ORC3: variants seen among roughly 807,000 people sequenced by gnomAD.
ORC3 encodes the protein origin recognition complex subunit 3.
ORC3 carries 78 observed loss-of-function variants against 100.7 expected under a neutral mutation model. The observed-to-expected ratio is 0.77, with a 90% confidence interval of 0.65 to 0.94. ORC3 has a LOEUF of 0.94. ORC3 is among the 40% of genes least tolerant of loss of function. The pLI is 0.00. For missense variants in ORC3, 789 were observed against 823.9 expected (o/e 0.96, Z 0.52); for synonymous variants, 295 against 289.3 (o/e 1.02, Z -0.20).
At chr6:87,610,535 CTTTATTTTTTTTTATTT>C (rs1778669683) in intron 7 of ORC3, among the ~76,000 whole-genome samples, 1 of 149,702 alleles carries the variant, frequency 6.7e-6, no homozygotes, top group South Asian at 2.1e-4. Flanking sequence ...TACTAATATA[CTTTATTTTTTTTTATTT>C]TTTATTTTTT....
chr6:87,649,741 C>T (rs1215691652), intron 13 of ORC3, among the ~76,000 whole-genome samples: 1 of 152,134 alleles, frequency 6.6e-6, no homozygotes, highest in African/African-American at 2.4e-5. Context: ...AGCCAAACTC[C>T]ATCTCAAATA....
chr6:87,639,416 A>G (rs1382231704), intron 13 of ORC3, among the ~76,000 whole-genome samples: 1 of 152,118 alleles, frequency 6.6e-6, no homozygotes, highest in Non-Finnish European at 1.5e-5. Context: ...ACCTTCCCCC[A>G]ACAACTCTCT....
At chr6:87,615,222 T>C (rs1360414569) in intron 8 of ORC3, among the ~76,000 whole-genome samples, 1 of 152,148 alleles carries the variant, frequency 6.6e-6, no homozygotes, top group African/African-American at 2.4e-5. Context: ...ATAAGACTTA[T>C]TCACTGTCAT....
At position 87,636,445 on chromosome 6, in the gene ORC3, A is replaced by T; in HGVS notation, c.1341A>T (p.Ile447=). The part of the protein sequence containing the change: ...ELYCTCLEKN[I]WDSEEYASVL... The stretch of plus-strand genomic sequence containing the variant: ...ACTGTACATGTTTAGAAAAGAACAT[A>T]TGGGATTCAGAGGAGTATGCATCAG... The change falls in exon 13 of 20, where the codon ATA becomes ATT. Residue 447 remains isoleucine, a synonymous_variant. Coordinates refer to ENST00000392844, the MANE Select transcript of ORC3 (RefSeq NM_012381.4). 6.2e-7 allele frequency: 1 copy of T among 1,612,398 alleles called. No homozygotes were observed. Among genetic ancestry groups the T allele is most frequent in the Non-Finnish European group, 8.5e-7 (1 of 1,178,418 alleles).
chr6:87,617,098 AT>A (rs1779212728), intron 9 of ORC3, among the ~76,000 whole-genome samples: 1 of 152,136 alleles, frequency 6.6e-6, no homozygotes, highest in Non-Finnish European at 1.5e-5. Context: ...CGCCCAGCCC[AT>A]TTTTAGCTTT....
At chr6:87,638,704 G>A (rs1359845575) in intron 13 of ORC3, among the ~76,000 whole-genome samples, 3 of 152,124 alleles carry the variant, frequency 2.0e-5, no homozygotes, top group Non-Finnish European at 4.4e-5. Context: ...CATGAAATGG[G>A]TTGCAGCAAA....
chr6:87,627,288 C>A (rs1430646424), intron 11 of ORC3, among the ~76,000 whole-genome samples: 2 of 145,206 alleles, frequency 1.4e-5, no homozygotes, highest in Non-Finnish European at 3.0e-5. Flanking sequence ...TGTGAGCCAC[C>A]GCGCCCAGCT....
At position 87,618,301 on chromosome 6, in the gene ORC3, T is replaced by C. The variant is rs6454637; in HGVS notation, c.987+1874T>C. On this transcript the variant is annotated intron_variant, in intron 9 of 19. Transcript: ENST00000392844. The stretch of plus-strand genomic sequence containing the variant: ...GGCGCATGCCTCTAATCCCAGCTAC[T>C]TGGGGGGCTGAGGCAGGAGATCACC... 9.4e-3 allele frequency among the ~76,000 whole-genome samples: 1,428 copies of C among 152,108 alleles called. 21 individuals are homozygous for C. Among genetic ancestry groups the C allele is most frequent in the African/African-American group, 0.032 (1,318 of 41,458 alleles).
chr6:87,616,791 T>G (rs1779185689), intron 9 of ORC3, among the ~76,000 whole-genome samples: 1 of 152,062 alleles, frequency 6.6e-6, no homozygotes, highest in African/African-American at 2.4e-5. Context: ...GGGCCAGATA[T>G]TAAACATTTT....
At chr6:87,675,644 A>G in the ORC3 span, 1 of 1,611,518 alleles carries the variant, frequency 6.2e-7, no homozygotes, top group Non-Finnish European at 8.5e-7. Context: ...TGCAAAATAC[A>G]GGTCAAAATC....
rs1769416247 is a variant in ORC3, at chr6:87,653,245, C to T, written c.1512C>T (p.Leu504=). The change falls in exon 14 of 20, where the codon CTC becomes CTT. Residue 504 remains leucine (L), a synonymous_variant. Coordinates refer to ENST00000392844, the MANE Select transcript of ORC3 (RefSeq NM_012381.4). ...IEEFLAQFQS[L]DETKEEEDAS... Reference sequence around the variant, plus strand: ...AGTTCCTGGCCCAGTTTCAGAGCCTCGATGGTAAGAGTGTAATATCCTTCC... The same window carrying T: ...AGTTCCTGGCCCAGTTTCAGAGCCTTGATGGTAAGAGTGTAATATCCTTCC... 1.6e-5 allele frequency: 26 copies of T among 1,613,040 alleles called. No individual in the cohort carries two copies. The highest frequency in any genetic ancestry group is 2.0e-5 in the Non-Finnish European group (24 of 1,179,554).
chr6:87,663,666 GCA>G (rs1199316848), intron 17 of ORC3, among the ~76,000 whole-genome samples: 1 of 152,200 alleles, frequency 6.6e-6, no homozygotes, highest in Non-Finnish European at 1.5e-5. Flanking sequence ...TCCTGGGGCA[GCA>G]CACTTCAGCT....
chr6:87,667,149 A>G lies in ORC3; in HGVS notation c.*26A>G. ...AAAGCAAATAAGCAAAGCCAGAACT[A>G]TCACATTTAGCTTAAGAGAAAAAGG... On this transcript the variant is annotated 3_prime_UTR_variant, in exon 20 of 20. Coordinates refer to ENST00000392844, the MANE Select transcript of ORC3 (RefSeq NM_012381.4). 7.4e-7 allele frequency: 1 copy of G among 1,347,756 alleles called. No homozygotes were observed. Among genetic ancestry groups the G allele is most frequent in the Non-Finnish European group, 1.1e-6 (1 of 949,094 alleles). 83.5% of individuals were successfully genotyped at this position (1,347,756 alleles called of 1,614,324 possible). A position where few individuals can be genotyped will look rare whatever the true frequency, so the allele number is the denominator to read the frequency against.
intron 8 of ORC3, among the ~76,000 whole-genome samples, chr6:87,613,544 A>G (rs982567275): frequency 6.6e-6 from 1 of 152,174 alleles, no homozygotes; most frequent in African/African-American, 2.4e-5. Flanking sequence ...TCAATAGTCC[A>G]CAGTCCAAAG....
intron 5 of ORC3, 49 bp downstream of exon 5, chr6:87,606,070 T>C (rs1471909785): frequency 2.0e-6 from 2 of 980,394 alleles, no homozygotes; most frequent in Admixed American, 1.9e-5. Flanking sequence ...TACAGACTTC[T>C]TTCATCCTTT....
At chr6:87,673,582 CCTGTAATCA>C in the ORC3 span, among the ~76,000 whole-genome samples, 1 of 152,226 alleles carries the variant, frequency 6.6e-6, no homozygotes, top group East Asian at 1.9e-4. Flanking sequence ...GTGGCTCACG[CCTGTAATCA>C]CAGCACTTTG....
intron 15 of ORC3, among the ~76,000 whole-genome samples, chr6:87,657,335 G>A (rs1769792848): frequency 6.6e-6 from 1 of 152,164 alleles, no homozygotes; most frequent in South Asian, 2.1e-4. Flanking sequence ...AGATTTAAAA[G>A]AGCCTAACTA....
chr6:87,658,422 A>G (rs991624835), intron 16 of ORC3, among the ~76,000 whole-genome samples: 1 of 150,908 alleles, frequency 6.6e-6, no homozygotes, highest in African/African-American at 2.4e-5. Context: ...GTGCCACTGC[A>G]CTCCAGCCTG....
At chr6:87,646,010 G>A (rs1768752681) in intron 13 of ORC3, among the ~76,000 whole-genome samples, 1 of 139,546 alleles carries the variant, frequency 7.2e-6, no homozygotes. Flanking sequence ...TTTTTGAGGC[G>A]GAGTCTTGCG....
Sources: gnomAD v4.1 joint callset for allele counts (sites outside exome capture counted in the v4.1 genomes callset) on GRCh38, gnomAD v4.1.1 for gene constraint, MANE v1.5 for transcripts, NCBI Gene and HGNC (gene_info 2026-07-23, HGNC 2026-07-21) for gene names.